The following SORCS1 variants were observed in gnomAD, a reference collection of about 807,000 sequenced individuals.
The protein encoded by SORCS1 is sortilin related VPS10 domain containing receptor 1.
In SORCS1, 60 loss-of-function variants were observed where a neutral mutation model predicts 146.1. The ratio of observed to expected loss-of-function variants is 0.41; its 90% confidence interval spans 0.33 to 0.51. The LOEUF is 0.51. Among genes scored for constraint, SORCS1 ranks in the 20% least tolerant of loss-of-function variants. The probability of loss-of-function intolerance (pLI) is 0.21; values close to 1 mark genes in which losing one functional copy is unlikely to be tolerated. For synonymous variants in SORCS1, 637 were observed against 584.0 expected, an observed-to-expected ratio of 1.09 and a Z score of -1.31; for missense variants, 1,352 against 1,487.6, an observed-to-expected ratio of 0.91 and a Z score of 1.50.
chr10:106,789,546 G>A lies in SORCS1; in HGVS notation c.727-12854C>T, dbSNP rs115989252. Among the ~76,000 whole-genome samples the A allele has an allele frequency of 7.6e-3, 1,154 of 152,296 alleles. 20 individuals carry two copies. Among genetic ancestry groups the A allele is most frequent in the African/African-American group, 0.026 (1,094 of 41,566 alleles). On this transcript the variant is annotated intron_variant, in intron 3 of 25. Coordinates refer to ENST00000263054, the MANE Select transcript of SORCS1 (RefSeq NM_052918.5). ...CCACCAGTCTCTTTGCTAAAGTATA[G>A]CAAGAGTGATCTTTGCTCTGGTTCC...
upstream of SORCS1, among the ~76,000 whole-genome samples, chr10:107,165,570 T>A (rs1970025445): frequency 6.6e-6 from 1 of 152,146 alleles, no homozygotes; most frequent in South Asian, 2.1e-4. This position sits in a 1 kb window ranked among gnomAD's most constrained non-coding sequence, Gnocchi z 4.0. Context: ...ACCATTTTCC[T>A]CAGTACGTGG....
At chr10:106,998,135 C>T (rs1316405105) in intron 1 of SORCS1, among the ~76,000 whole-genome samples, 1 of 152,256 alleles carries the variant, frequency 6.6e-6, no homozygotes, top group African/African-American at 2.4e-5. Context: ...TATTCTAATA[C>T]ATACATTCAC....
chr10:106,823,037 C>A (rs1185052446), intron 3 of SORCS1, among the ~76,000 whole-genome samples: 1 of 151,982 alleles, frequency 6.6e-6, no homozygotes, highest in Non-Finnish European at 1.5e-5. Context: ...CCCACCTCGG[C>A]CTCTCAAAGT....
intron 24 of SORCS1, among the ~76,000 whole-genome samples, chr10:106,583,178 C>A (rs1369762110): frequency 6.6e-6 from 1 of 152,048 alleles, no homozygotes; most frequent in Non-Finnish European, 1.5e-5. Context: ...ACTACATGCC[C>A]AATATTTCTA....
At chr10:106,721,540 A>C (rs1216418763) in intron 6 of SORCS1, among the ~76,000 whole-genome samples, 1 of 152,252 alleles carries the variant, frequency 6.6e-6, no homozygotes, top group African/African-American at 2.4e-5. Flanking sequence ...CAATAAGGAT[A>C]TGCCTTTTTA....
At chr10:106,837,439 T>A (rs1289339966) in intron 2 of SORCS1, among the ~76,000 whole-genome samples, 1 of 152,064 alleles carries the variant, frequency 6.6e-6, no homozygotes, top group Non-Finnish European at 1.5e-5. Flanking sequence ...GAAATTAATT[T>A]ATGAGCTATG....
At chr10:106,836,397 C>T (rs1948788198) in intron 2 of SORCS1, among the ~76,000 whole-genome samples, 1 of 151,312 alleles carries the variant, frequency 6.6e-6, no homozygotes, top group Non-Finnish European at 1.5e-5. Flanking sequence ...TGGCGTGAAC[C>T]CAGGAGGCGG....
chr10:106,886,269 A>G (rs1950997571), intron 2 of SORCS1, among the ~76,000 whole-genome samples: 1 of 152,152 alleles, frequency 6.6e-6, no homozygotes, highest in Non-Finnish European at 1.5e-5. Context: ...TTTCAAAACA[A>G]CAACAACAAC....
intron 2 of SORCS1, among the ~76,000 whole-genome samples, chr10:106,903,768 T>A (rs1184333218): frequency 6.6e-6 from 1 of 152,242 alleles, no homozygotes; most frequent in Non-Finnish European, 1.5e-5. Context: ...GGGAAAATGT[T>A]TTCTTTCTGC....
intron 3 of SORCS1, among the ~76,000 whole-genome samples, chr10:106,824,805 T>G (rs1240517295): frequency 1.3e-5 from 2 of 152,152 alleles, no homozygotes; most frequent in African/African-American, 2.4e-5. Context: ...GAATGACCAA[T>G]GTATTCTGAG....
chr10:106,653,816 T>C (rs1850068770), intron 17 of SORCS1, among the ~76,000 whole-genome samples: 1 of 152,226 alleles, frequency 6.6e-6, no homozygotes, highest in African/African-American at 2.4e-5. Context: ...CCTAATACTC[T>C]GCAAGTGCTC....
upstream of SORCS1, among the ~76,000 whole-genome samples, chr10:107,165,378 C>G (rs1002698249): frequency 1.3e-5 from 2 of 151,630 alleles, no homozygotes; most frequent in Admixed American, 1.3e-4. The surrounding 1 kb of genome is among the most constrained non-coding windows in gnomAD (Gnocchi z 4.0). Context: ...CTCTCCTAAC[C>G]TCCTAAAGCA....
intron 2 of SORCS1, among the ~76,000 whole-genome samples, chr10:106,911,903 G>A (rs1414263481): frequency 2.0e-5 from 3 of 152,038 alleles, no homozygotes; most frequent in African/African-American, 7.2e-5. Context: ...ACGAGGTCAG[G>A]AGATCAAGAC....
At chr10:106,866,737 G>C (rs1950233326) in intron 2 of SORCS1, among the ~76,000 whole-genome samples, 1 of 152,184 alleles carries the variant, frequency 6.6e-6, no homozygotes, top group South Asian at 2.1e-4. Flanking sequence ...CAAAGCCTCA[G>C]CACCAAAAAT....
intron 6 of SORCS1, among the ~76,000 whole-genome samples, chr10:106,728,659 T>C (rs1372671694): frequency 6.6e-6 from 1 of 152,226 alleles, no homozygotes; most frequent in Non-Finnish European, 1.5e-5. Flanking sequence ...GTTTGGGTTA[T>C]AGGGTTGACC....
chr10:106,877,700 C>T (rs144867805), intron 2 of SORCS1, among the ~76,000 whole-genome samples: 93 of 152,206 alleles, frequency 6.1e-4, no homozygotes, highest in Non-Finnish European at 2.5e-4. Flanking sequence ...TCCAGTCCCT[C>T]GGGGAAGCCA....
At chr10:107,129,364 GA>G (rs1428934903) in intron 1 of SORCS1, among the ~76,000 whole-genome samples, 1 of 152,206 alleles carries the variant, frequency 6.6e-6, no homozygotes, top group East Asian at 1.9e-4. Flanking sequence ...GCTCAAGCGA[GA>G]GCTGCCAGTT....
At chr10:107,103,196 C>A (rs1310984264) in intron 1 of SORCS1, among the ~76,000 whole-genome samples, 1 of 152,156 alleles carries the variant, frequency 6.6e-6, no homozygotes, top group African/African-American at 2.4e-5. Flanking sequence ...TTATCACAAG[C>A]AGAGAGAGAG....
intron 2 of SORCS1, among the ~76,000 whole-genome samples, chr10:106,943,718 G>A (rs1483409977): frequency 6.6e-6 from 1 of 152,024 alleles, no homozygotes; most frequent in Non-Finnish European, 1.5e-5. Context: ...GCTGAGGCAG[G>A]AGAATGGCGT....
Sources: gnomAD v4.1 joint callset for allele counts (sites outside exome capture counted in the v4.1 genomes callset) on GRCh38, gnomAD v4.1.1 for gene constraint, Gnocchi (gnomAD v3.1) non-coding constraint, MANE v1.5 for transcripts, NCBI Gene and HGNC (gene_info 2026-07-23, HGNC 2026-07-21) for gene names.